Variants in NCOA2 observed in about 807,000 individuals in gnomAD.
NCOA2 encodes the protein class E basic helix-loop-helix protein 75.
NCOA2 carries 21 observed loss-of-function variants against 145.1 expected under a neutral mutation model. That is an observed-to-expected ratio of 0.14 (90% CI 0.10 to 0.21). The LOEUF (loss-of-function observed/expected upper bound fraction) is 0.21. Ranked by LOEUF, NCOA2 falls within the 10% of genes least tolerant of loss-of-function variation. The pLI is 1.00. For missense variants in NCOA2, 1,472 were observed against 1,837.6 expected, an observed-to-expected ratio of 0.80 and a Z score of 3.64; for synonymous variants, 619 against 637.5, an observed-to-expected ratio of 0.97 and a Z score of 0.44.
At chr8:70,283,997 A>G (rs1443458994) in intron 2 of NCOA2, among the ~76,000 whole-genome samples, 1 of 152,210 alleles carries the variant, frequency 6.6e-6, no homozygotes. Context: ...GTTTAGAAGT[A>G]TTCCTCTTGA....
In NCOA2 at chr8:70,174,834, A is replaced by C. The variant is rs779269505; in HGVS notation, c.285T>G (p.Asp95Glu). The C allele has an allele frequency of 6.2e-7, 1 of 1,613,620 alleles. No homozygotes were observed. The highest frequency in any genetic ancestry group is 2.2e-5 in the East Asian group (1 of 44,878). Reference sequence around the variant, plus strand: ...AGGATACATCTGACTTCTGCACTTCATCTATGTTGGCAGCTGCTGCTTTCT... The same window carrying C: ...AGGATACATCTGACTTCTGCACTTCCTCTATGTTGGCAGCTGCTGCTTTCT... ...EQEKAAAANI[D>E]EVQKSDVSST... is the part of the protein sequence containing the mutation. The change falls in exon 5 of 23, where the codon GAT becomes GAG. Residue 95 changes from aspartate to glutamate, a missense_variant. Transcript: ENST00000452400.
chr8:70,143,649 G>T (rs1051172872), intron 13 of NCOA2, among the ~76,000 whole-genome samples: 2 of 152,128 alleles, frequency 1.3e-5, no homozygotes, highest in Non-Finnish European at 2.9e-5. Context: ...ATAAACAATA[G>T]AAAGTTAAAA....
At chr8:70,162,959 G>C (rs1813207568) in intron 8 of NCOA2, 105 bp from the exon 9 acceptor site, 1 of 1,178,890 alleles carries the variant, frequency 8.5e-7, no homozygotes, top group Non-Finnish European at 1.1e-6. Flanking sequence ...CTATCGTCCA[G>C]GCTGGAGTGC....
intron 2 of NCOA2, among the ~76,000 whole-genome samples, chr8:70,229,868 TAGAA>T (rs1488455014): frequency 6.6e-6 from 1 of 152,208 alleles, no homozygotes; most frequent in East Asian, 1.9e-4. Flanking sequence ...CCCTAAACTT[TAGAA>T]AGAAATTGTC....
the NCOA2 span, among the ~76,000 whole-genome samples, chr8:70,415,678 G>A: frequency 1.1e-4 from 17 of 152,220 alleles, no homozygotes; most frequent in South Asian, 2.1e-4. Flanking sequence ...TGCTGGGCAC[G>A]GGTTAGGAGA....
chr8:70,160,300 C>A (rs1812793667), intron 9 of NCOA2, among the ~76,000 whole-genome samples: 1 of 151,994 alleles, frequency 6.6e-6, no homozygotes, highest in Non-Finnish European at 1.5e-5. Flanking sequence ...AATAAAAGTG[C>A]AAATCTTAGC....
Position 70,248,671 on chromosome 8 carries a change from C to T in NCOA2, c.-19-31907G>A, listed in dbSNP as rs544457248. On this transcript the variant is annotated intron_variant, in intron 2 of 22. Coordinates refer to ENST00000452400, the MANE Select transcript of NCOA2 (RefSeq NM_006540.4). ...TATCCTCTCATATACACGAAATCAT[C>T]TCTAGATTACTTATGATACCTAATA... is the stretch of plus-strand genomic sequence containing the variant. 3.3e-4 allele frequency among the ~76,000 whole-genome samples: 50 copies of T among 152,146 alleles called. 1 individual carries two copies. The highest frequency in any genetic ancestry group is 1.2e-3 in the African/African-American group (48 of 41,500).
intron 7 of NCOA2, 56 bp downstream of exon 7, chr8:70,166,510 A>C: frequency 6.4e-7 from 1 of 1,568,798 alleles, no homozygotes; most frequent in Non-Finnish European, 8.8e-7. Context: ...GTGTGAAGGA[A>C]GTAGCACAGG....
chr8:70,358,817 A>G (rs1809965979), intron 1 of NCOA2, among the ~76,000 whole-genome samples: 1 of 152,220 alleles, frequency 6.6e-6, no homozygotes, highest in Admixed American at 6.5e-5. Context: ...GCATTGGTGA[A>G]AACTATATGT....
the NCOA2 span, among the ~76,000 whole-genome samples, chr8:70,429,573 G>A: frequency 2.0e-5 from 3 of 152,138 alleles, no homozygotes; most frequent in African/African-American, 4.8e-5. Context: ...GAGTTGTGAT[G>A]GTTGTAAAGT....
chr8:70,186,988 C>A (rs563434131), intron 4 of NCOA2, among the ~76,000 whole-genome samples: 2 of 152,270 alleles, frequency 1.3e-5, no homozygotes, highest in Non-Finnish European at 2.9e-5. Context: ...CCTTTAAATA[C>A]CTTACAGCAT....
At chr8:70,234,600 T>C (rs1336239977) in intron 2 of NCOA2, among the ~76,000 whole-genome samples, 2 of 152,196 alleles carry the variant, frequency 1.3e-5, no homozygotes, top group Non-Finnish European at 2.9e-5. Flanking sequence ...TGGGTTTGAT[T>C]TGCCCTTCCC....
intron 2 of NCOA2, among the ~76,000 whole-genome samples, chr8:70,278,910 G>C (rs1825670320): frequency 6.6e-6 from 1 of 151,120 alleles, no homozygotes; most frequent in South Asian, 2.1e-4. Context: ...ACACTGCAGT[G>C]AACCGACGTT....
intron 9 of NCOA2, among the ~76,000 whole-genome samples, chr8:70,160,820 A>C (rs1812902291): frequency 6.6e-6 from 1 of 152,222 alleles, no homozygotes; most frequent in African/African-American, 2.4e-5. Flanking sequence ...TTCTGCCATC[A>C]ACTGTTGCAC....
At chr8:70,333,873 A>G (rs1807317837) in intron 1 of NCOA2, among the ~76,000 whole-genome samples, 1 of 152,192 alleles carries the variant, frequency 6.6e-6, no homozygotes, top group Non-Finnish European at 1.5e-5. Flanking sequence ...ATGCTTTGCA[A>G]ATAAAATATG....
intron 1 of NCOA2, among the ~76,000 whole-genome samples, chr8:70,342,116 T>C (rs2136484938): frequency 6.6e-6 from 1 of 152,322 alleles, no homozygotes; most frequent in South Asian, 2.1e-4. Flanking sequence ...GAGCTGATAT[T>C]ACATGCGTAA....
chr8:70,132,925 A>G (rs1410343958), intron 15 of NCOA2, among the ~76,000 whole-genome samples: 1 of 152,242 alleles, frequency 6.6e-6, no homozygotes. Flanking sequence ...CATTAGGTAC[A>G]TAAGGAAAGT....
At chr8:70,211,687 C>T (rs746351792) in intron 4 of NCOA2, among the ~76,000 whole-genome samples, 7 of 152,116 alleles carry the variant, frequency 4.6e-5, no homozygotes, top group Non-Finnish European at 1.0e-4. Context: ...GGATTCATAC[C>T]TAGCTCCTGT....
Position 70,110,710 on chromosome 8 carries a change from C to T in NCOA2, c.*2922G>A, listed in dbSNP as rs1196016828. On this transcript the variant is annotated 3_prime_UTR_variant, in exon 23 of 23. Transcript: ENST00000452400. The stretch of plus-strand genomic sequence containing the variant: ...CATTATATAAACTGCAAAAACATTG[C>T]TTTCAATTATTACAGGCCATAAGAG... 9.1e-6 allele frequency: 2 copies of T among 219,690 alleles called. No homozygotes were observed. The highest frequency in any genetic ancestry group is 5.8e-5 in the Admixed American group (1 of 17,362). 13.6% of individuals were successfully genotyped at this position (219,690 alleles called of 1,614,324 possible). A position where few individuals can be genotyped will look rare whatever the true frequency, so the allele number is the denominator to read the frequency against.
Sources: allele counts gnomAD v4.1 joint callset (sites outside exome capture counted in the v4.1 genomes callset), GRCh38; gene constraint gnomAD v4.1.1; transcripts MANE v1.5; gene names NCBI Gene and HGNC (gene_info 2026-07-23, HGNC 2026-07-21).